TBC1D15: variants seen among roughly 807,000 people sequenced by gnomAD.
TBC1D15 encodes the protein GAP for RAB7.
Under a neutral mutation model 95.4 loss-of-function variants are expected in TBC1D15, and 39 were observed. The ratio of observed to expected loss-of-function variants is 0.41; its 90% CI spans 0.32 to 0.53. The LOEUF is 0.53. Ranked by LOEUF, TBC1D15 falls within the 20% of genes least tolerant of loss-of-function variation. TBC1D15 has a pLI of 0.29. For missense variants in TBC1D15, 733 were observed against 794.3 expected (o/e 0.92, Z 0.93); for synonymous variants, 258 against 261.3 (o/e 0.99, Z 0.12).
intron 1 of TBC1D15, among the ~76,000 whole-genome samples, chr12:71,858,562 T>C (rs1319449041): frequency 6.7e-6 from 1 of 149,892 alleles, no homozygotes; most frequent in Non-Finnish European, 1.5e-5. Context: ...TTTTTCTTTT[T>C]TTTTTTTTTT....
chr12:71,843,694 G>C (rs1885629704), intron 1 of TBC1D15, among the ~76,000 whole-genome samples: 1 of 152,042 alleles, frequency 6.6e-6, no homozygotes, highest in African/African-American at 2.4e-5. Flanking sequence ...TGTCACCCAG[G>C]CTGGAGTGCA....
rs1434748601 is a variant in TBC1D15, at chr12:71,862,419, CATT to C, written c.31-9648_31-9646del. On this transcript the variant is annotated intron_variant, in intron 1 of 16. Coordinates refer to ENST00000485960, the MANE Select transcript of TBC1D15 (RefSeq NM_001146213.3). ...CCTCTTGCTGAATTGATCCCTTTTT[CATT>C]ATATAATAACCTTCTTTGTCTCTTT... 2.6e-5 allele frequency among the ~76,000 whole-genome samples: 4 copies of C among 152,212 alleles called. No homozygotes were observed. In the East Asian group the frequency reaches 7.7e-4, roughly 29 times the overall value.
chr12:71,893,385 T>G, intron 6 of TBC1D15, 61 bp downstream of exon 6: 1 of 1,117,818 alleles, frequency 8.9e-7, no homozygotes, highest in South Asian at 1.6e-5. Flanking sequence ...ACCCTGTACT[T>G]CTCATCTTCT....
intron 11 of TBC1D15, among the ~76,000 whole-genome samples, chr12:71,910,668 G>T (rs1056556895): frequency 2.6e-5 from 4 of 152,104 alleles, no homozygotes; most frequent in African/African-American, 9.7e-5. Flanking sequence ...CTGTTTGTCT[G>T]TTATTGGTGT....
At chr12:71,864,476 T>G (rs1361696009) in intron 1 of TBC1D15, among the ~76,000 whole-genome samples, 2 of 151,632 alleles carry the variant, frequency 1.3e-5, no homozygotes, top group African/African-American at 4.9e-5. Context: ...GACTTTCACC[T>G]GCAGTTGAGT....
Position 71,923,397 on chromosome 12 carries a change from C to G in TBC1D15, c.*193C>G. 1.9e-6 allele frequency: 1 copy of G among 519,082 alleles called. No individual in the cohort carries two copies. 32.2% of individuals were successfully genotyped at this position (519,082 alleles called of 1,614,324 possible). On this transcript the variant is annotated 3_prime_UTR_variant, in exon 17 of 17. Transcript: ENST00000485960. ...TTTGTAGTTACTTCTACCAAATAGC[C>G]TTTCCTTTTCGATAACATTCCTCAG...
intron 1 of TBC1D15, among the ~76,000 whole-genome samples, chr12:71,861,826 A>G (rs981364926): frequency 2.6e-5 from 4 of 151,750 alleles, no homozygotes; most frequent in African/African-American, 2.4e-5. Context: ...GTTTATTGCT[A>G]TAAACTTCCT....
chr12:71,861,800 T>C (rs1243087955), intron 1 of TBC1D15, among the ~76,000 whole-genome samples: 1 of 152,054 alleles, frequency 6.6e-6, no homozygotes, highest in African/African-American at 2.4e-5. Flanking sequence ...ACTCTTCCTG[T>C]TTTTTTAATG....
At chr12:71,907,341 G>A in intron 11 of TBC1D15, 1 of 351,472 alleles carries the variant, frequency 2.8e-6, no homozygotes, top group Non-Finnish European at 5.1e-6. Context: ...GGAGCACCAT[G>A]GGATATTTAA....
chr12:71,897,841 CTATAG>C lies in TBC1D15; in HGVS notation c.1089-4_1089del. 1.1e-5 allele frequency: 18 copies of C among 1,608,314 alleles called. No homozygotes were observed. The highest frequency in any genetic ancestry group is 1.5e-5 in the Non-Finnish European group (18 of 1,176,172). ...GCTTTCTTTGATGTCAAATTGTTTT[CTATAG>C]TGATGAATACTTCAGAATGAAACTG... On this transcript the variant is annotated splice_acceptor_variant and splice_polypyrimidine_tract_variant and intron_variant, in intron 9 of 16. Transcript: ENST00000485960. LOFTEE classifies it high-confidence loss of function.
intron 11 of TBC1D15, chr12:71,913,269 C>T (rs1308415130): frequency 6.6e-6 from 1 of 152,136 alleles, no homozygotes; most frequent in Non-Finnish European, 1.5e-5. Context: ...TTTTGTAACT[C>T]CTGTTATGTG....
chr12:71,923,128 C>G lies in TBC1D15; in HGVS notation c.1949C>G (p.Ser650Cys). 6.2e-7 allele frequency: 1 copy of G among 1,614,220 alleles called. No homozygotes were observed. The highest frequency in any genetic ancestry group is 1.3e-5 in the African/African-American group (1 of 75,072). Reference protein sequence around the residue: ...AFQSNALPTLSASGARNDSPT... With the variant: ...AFQSNALPTLCASGARNDSPT... Reference sequence around the variant, plus strand: ...CAAAGTAATGCCTTGCCTACACTCTCTGCCAGTGGAGCCAGAAATGACAGC... The same window carrying G: ...CAAAGTAATGCCTTGCCTACACTCTGTGCCAGTGGAGCCAGAAATGACAGC... The change falls in exon 17 of 17, where the codon TCT becomes TGT. Residue 650 changes from serine to cysteine, a missense_variant. Transcript: ENST00000485960.
intron 1 of TBC1D15, chr12:71,849,287 C>T (rs531531296): frequency 5.8e-5 from 50 of 863,258 alleles, no homozygotes; most frequent in South Asian, 2.4e-4. Context: ...CTTTGTTCCA[C>T]GCTTCTATCT....
chr12:71,887,718 T>A (rs1592764938), intron 5 of TBC1D15, among the ~76,000 whole-genome samples: 3 of 152,178 alleles, frequency 2.0e-5, no homozygotes, highest in Non-Finnish European at 4.4e-5. Flanking sequence ...ACTATCTAAT[T>A]TTCTTGTTTG....
intron 6 of TBC1D15, chr12:71,894,364 C>T: frequency 6.2e-7 from 1 of 1,612,862 alleles, no homozygotes; most frequent in Non-Finnish European, 8.5e-7. Flanking sequence ...GTGGGCCATT[C>T]ACCACTGGAA....
At chr12:71,891,783 C>T (rs150610092) in intron 5 of TBC1D15, among the ~76,000 whole-genome samples, 2 of 152,176 alleles carry the variant, frequency 1.3e-5, no homozygotes, top group African/African-American at 4.8e-5. Context: ...ATTTCATCTT[C>T]GGATCTCCAG....
At chr12:71,881,304 G>A (rs1019460624) in intron 4 of TBC1D15, among the ~76,000 whole-genome samples, 1 of 152,128 alleles carries the variant, frequency 6.6e-6, no homozygotes, top group African/African-American at 2.4e-5. Flanking sequence ...TTGCTATATA[G>A]GTTTGTAGCC....
At chr12:71,872,567 AAC>A (rs1250726575) in intron 2 of TBC1D15, among the ~76,000 whole-genome samples, 15 of 152,154 alleles carry the variant, frequency 9.9e-5, no homozygotes, top group Admixed American at 9.2e-4. Flanking sequence ...GAAAGTGAAA[AAC>A]AGTGTTTCTG....
At chr12:71,904,154 T>TTG (rs541398199) in intron 10 of TBC1D15, among the ~76,000 whole-genome samples, 27 of 152,126 alleles carry the variant, frequency 1.8e-4, no homozygotes, top group African/African-American at 6.0e-4. Flanking sequence ...CAGAGAAAGA[T>TTG]TGAAAACATC....
Sources: allele counts gnomAD v4.1 joint callset (sites outside exome capture counted in the v4.1 genomes callset), GRCh38; gene constraint gnomAD v4.1.1; transcripts MANE v1.5; gene names NCBI Gene and HGNC (gene_info 2026-07-23, HGNC 2026-07-21).